Variants in HPF1 observed in about 807,000 individuals in gnomAD.
HPF1 encodes the protein histone PARylation factor 1, also known as UPF0609 protein C4orf27.
A neutral mutation model predicts 38.8 loss-of-function variants in HPF1; 35 were observed. That is an observed-to-expected ratio of 0.90 (90% CI 0.69 to 1.19). HPF1 has a LOEUF of 1.19. Among genes scored for constraint, HPF1 ranks in the 50% most tolerant of loss-of-function variants. The probability of loss-of-function intolerance (pLI) is 0.00; values close to 1 mark genes in which losing one functional copy is unlikely to be tolerated. For synonymous variants in HPF1, 115 were observed against 139.2 expected (o/e 0.83, Z 1.22); for missense variants, 367 against 405.8 (o/e 0.90, Z 0.82).
At chr4:169,750,807 A>T (rs1734109140) in intron 2 of HPF1, 82 bp from the exon 3 acceptor site, 1 of 1,065,150 alleles carries the variant, frequency 9.4e-7, no homozygotes, top group Non-Finnish European at 1.3e-6. Flanking sequence ...ATTTCTAAGC[A>T]ATTGTCTTTA....
intron 6 of HPF1, among the ~76,000 whole-genome samples, chr4:169,732,694 G>T (rs1458301703): frequency 1.3e-5 from 2 of 152,126 alleles, no homozygotes; most frequent in Non-Finnish European, 2.9e-5. Context: ...CTGCCAGCCT[G>T]GTTCATGCAC....
intron 5 of HPF1, among the ~76,000 whole-genome samples, chr4:169,739,898 G>C (rs1344853607): frequency 6.6e-6 from 1 of 152,212 alleles, no homozygotes; most frequent in African/African-American, 2.4e-5. Flanking sequence ...ATAGTTGCCA[G>C]CTCAGGCTGA....
chr4:169,737,981 T>C (rs568631983), intron 5 of HPF1, among the ~76,000 whole-genome samples: 1 of 150,890 alleles, frequency 6.6e-6, no homozygotes, highest in South Asian at 2.1e-4. Context: ...TTTTCTTAAT[T>C]GTGCCAGTCA....
At chr4:169,757,411 CAA>C (rs1013410838) in intron 1 of HPF1, among the ~76,000 whole-genome samples, 3 of 152,128 alleles carry the variant, frequency 2.0e-5, no homozygotes, top group African/African-American at 7.2e-5. Flanking sequence ...TAATCCCAAA[CAA>C]AAAAGTCACA....
At chr4:169,738,250 A>G (rs1197431432) in intron 5 of HPF1, among the ~76,000 whole-genome samples, 1 of 152,168 alleles carries the variant, frequency 6.6e-6, no homozygotes, top group Non-Finnish European at 1.5e-5. Context: ...AACTTCCCAA[A>G]AGTAGGGCAG....
At chr4:169,752,390 C>T (rs1299949148) in intron 2 of HPF1, among the ~76,000 whole-genome samples, 1 of 152,010 alleles carries the variant, frequency 6.6e-6, no homozygotes. Flanking sequence ...GATCTACTGG[C>T]AAAATTCAGA....
At chr4:169,743,646 G>A (rs1372212195) in intron 4 of HPF1, among the ~76,000 whole-genome samples, 1 of 151,938 alleles carries the variant, frequency 6.6e-6, no homozygotes, top group Non-Finnish European at 1.5e-5. Context: ...TTTATATTTT[G>A]TCATAAACAG....
intron 1 of HPF1, among the ~76,000 whole-genome samples, chr4:169,756,001 TTA>T (rs1297224682): frequency 6.6e-6 from 1 of 152,132 alleles, no homozygotes; most frequent in Non-Finnish European, 1.5e-5. Flanking sequence ...TGTGTCTGAT[TTA>T]TAAAAAAAAT....
At chr4:169,756,563 C>A (rs1734190534) in intron 1 of HPF1, among the ~76,000 whole-genome samples, 1 of 152,174 alleles carries the variant, frequency 6.6e-6, no homozygotes, top group African/African-American at 2.4e-5. Flanking sequence ...CAACCTTAGG[C>A]AAGTTACTTA....
At chr4:169,756,031 CTGT>C (rs891415278) in intron 1 of HPF1, among the ~76,000 whole-genome samples, 4 of 152,276 alleles carry the variant, frequency 2.6e-5, no homozygotes, top group African/African-American at 7.2e-5. Context: ...AACAAAAAGC[CTGT>C]TGAACAATGA....
chr4:169,757,903 T>TC lies in HPF1; in HGVS notation c.-27dup, dbSNP rs1167792335. 1.3e-6 allele frequency: 2 copies of TC among 1,542,398 alleles called. No homozygotes were observed. Among genetic ancestry groups the TC allele is most frequent in the Non-Finnish European group, 1.7e-6 (2 of 1,149,598 alleles). On this transcript the variant is annotated 5_prime_UTR_variant, in exon 1 of 8. Transcript: ENST00000393381. The stretch of plus-strand genomic sequence containing the variant: ...TCTGCAGCTGCAGCGCCAGCAGAAT[T>TC]CCCCGATCCGCGGCCGCTTCCGAGC...
At chr4:169,752,716 A>G (rs928598138) in intron 2 of HPF1, among the ~76,000 whole-genome samples, 1 of 152,206 alleles carries the variant, frequency 6.6e-6, no homozygotes, top group African/African-American at 2.4e-5. Context: ...TACTGAATAG[A>G]TGTGGTATTG....
At chr4:169,750,377 G>A (rs1480258437) in intron 3 of HPF1, 159 bp downstream of exon 3, 1 of 495,790 alleles carries the variant, frequency 2.0e-6, no homozygotes, top group African/African-American at 2.0e-5. Flanking sequence ...ACCCATCCTA[G>A]GGAAGGTTAA....
chr4:169,737,378 T>C (rs1052210178), intron 6 of HPF1, among the ~76,000 whole-genome samples: 6 of 152,166 alleles, frequency 3.9e-5, no homozygotes, highest in African/African-American at 1.4e-4. Context: ...TAATACTTGT[T>C]TACACCACAA....
rs747837401 is a variant in HPF1, at chr4:169,757,849, G to C, written c.29C>G (p.Pro10Arg). 6 of 1,565,116 alleles carry C rather than the reference G, an allele frequency of 3.8e-6. No homozygotes were observed. The Admixed American group carries it at 1.1e-4, about 28-fold the overall frequency. The change falls in exon 1 of 8, where the codon CCC becomes CGC. Residue 10 changes from proline (P) to arginine (R), a missense_variant. By Grantham distance (103) the Pro-to-Arg change is moderately radical (BLOSUM62 -2). Coordinates refer to ENST00000393381, the MANE Select transcript of HPF1 (RefSeq NM_017867.3). ...CAGTACCTGCGGCCCCTCTCCGCCGGGCCTGCGCTTCCCGCCACCGCCGAC... is the reference window on the plus strand; with the variant it reads ...CAGTACCTGCGGCCCCTCTCCGCCGCGCCTGCGCTTCCCGCCACCGCCGAC... MVGGGGKRRPGGEGPQCEKT... is the reference protein window; with the variant it reads MVGGGGKRRRGGEGPQCEKT...
At chr4:169,731,594 C>T in intron 7 of HPF1, 110 bp downstream of exon 7, 1 of 775,580 alleles carries the variant, frequency 1.3e-6, no homozygotes. Flanking sequence ...TGTCTTACCT[C>T]TGCTGGAATT....
intron 7 of HPF1, 142 bp from the exon 8 acceptor site, chr4:169,729,851 T>C (rs1217823660): frequency 1.9e-6 from 1 of 531,058 alleles, no homozygotes; most frequent in Non-Finnish European, 2.9e-6. Flanking sequence ...TTAGTGAACA[T>C]AATTTAAGGA....
At chr4:169,739,825 T>C (rs1355923019) in intron 5 of HPF1, among the ~76,000 whole-genome samples, 1 of 152,184 alleles carries the variant, frequency 6.6e-6, no homozygotes, top group East Asian at 1.9e-4. Flanking sequence ...AAAGATACCA[T>C]ATTCATAAGT....
chr4:169,745,987 T>A (rs1008153964), intron 4 of HPF1, among the ~76,000 whole-genome samples: 3 of 150,712 alleles, frequency 2.0e-5, no homozygotes, highest in African/African-American at 7.4e-5. Flanking sequence ...AGGTCAAAAC[T>A]GTTTACCCCA....
Sources: allele counts gnomAD v4.1 joint callset (sites outside exome capture counted in the v4.1 genomes callset), GRCh38; gene constraint gnomAD v4.1.1; transcripts MANE v1.5; gene names NCBI Gene and HGNC (gene_info 2026-07-23, HGNC 2026-07-21).